The following ATRNL1 variants were observed in gnomAD, a reference collection of about 807,000 sequenced individuals.
ATRNL1 encodes attractin-like protein 1.
A neutral mutation model predicts 182.7 loss-of-function variants in ATRNL1; 95 were observed. That is an observed-to-expected ratio of 0.52 (90% CI 0.44 to 0.62). ATRNL1 has a LOEUF of 0.62. Ranked by LOEUF, ATRNL1 falls within the 20% of genes least tolerant of loss-of-function variation. The probability of loss-of-function intolerance (pLI) is 0.00; values close to 1 mark genes in which losing one functional copy is unlikely to be tolerated. For missense variants in ATRNL1, 1,471 were observed against 1,679.5 expected, an observed-to-expected ratio of 0.88 and a Z score of 2.17; for synonymous variants, 576 against 568.3, an observed-to-expected ratio of 1.01 and a Z score of -0.19.
chr10:115,907,377 C>T (rs1952536174), intron 28 of ATRNL1, among the ~76,000 whole-genome samples: 1 of 152,224 alleles, frequency 6.6e-6, no homozygotes. Flanking sequence ...CAGTTAGTTG[C>T]AGGTGCTATT....
In ATRNL1 at chr10:115,297,527, C is replaced by A. The variant is rs1023072814; in HGVS notation, c.2416-2507C>A. Among the ~76,000 whole-genome samples, 4 of 151,890 alleles carry A rather than the reference C, an allele frequency of 2.6e-5. No homozygotes were observed. In the South Asian group the frequency reaches 8.3e-4, roughly 32 times the overall value. On this transcript the variant is annotated intron_variant, in intron 15 of 28. Coordinates refer to ENST00000355044, the MANE Select transcript of ATRNL1 (RefSeq NM_207303.4). ...GGGCGTGGTGGTGGGTGCCTGTAGT[C>A]CCAGCTACTCAGGAGGCCGAGGCAG...
intron 27 of ATRNL1, among the ~76,000 whole-genome samples, chr10:115,835,779 T>G (rs910915675): frequency 6.6e-6 from 1 of 152,180 alleles, no homozygotes; most frequent in Non-Finnish European, 1.5e-5. Context: ...CACCCTCTGC[T>G]GAGAGAAGCT....
chr10:115,149,771 G>C (rs376389565), intron 5 of ATRNL1, among the ~76,000 whole-genome samples: 1 of 151,952 alleles, frequency 6.6e-6, no homozygotes, highest in Non-Finnish European at 1.5e-5. Context: ...ATTCATCAGG[G>C]ATGTTGGCCT....
At chr10:115,636,391 T>A (rs1858873361) in intron 26 of ATRNL1, among the ~76,000 whole-genome samples, 2 of 152,162 alleles carry the variant, frequency 1.3e-5, no homozygotes, top group Admixed American at 1.3e-4. Flanking sequence ...AACACCAGTA[T>A]GTACCAGTGG....
intron 28 of ATRNL1, among the ~76,000 whole-genome samples, chr10:115,876,691 A>T (rs138637783): frequency 1.4e-3 from 214 of 152,328 alleles, no homozygotes; most frequent in Middle Eastern, 0.01. Flanking sequence ...GAGATCTGAC[A>T]GTGATAACCA....
intron 28 of ATRNL1, among the ~76,000 whole-genome samples, chr10:115,939,393 C>T (rs1423585049): frequency 2.6e-5 from 4 of 152,096 alleles, no homozygotes; most frequent in South Asian, 2.1e-4. Context: ...CCTTCCTATG[C>T]GGTTTATACT....
rs1554871723 is a variant in ATRNL1, at chr10:115,121,817, GTAAT to G, written c.491+8_491+11del. 1 of 1,342,100 alleles carries G rather than the reference GTAAT, an allele frequency of 7.5e-7. No individual in the cohort carries two copies. Among genetic ancestry groups the G allele is most frequent in the Admixed American group, 2.0e-5 (1 of 49,420 alleles). 83.1% of individuals were successfully genotyped at this position (1,342,100 alleles called of 1,614,324 possible). The stretch of plus-strand genomic sequence containing the variant: ...ACCTTTAATAGCTGTACTTAGGTGA[GTAAT>G]TATATTTAATCAGTTGCAGAAAAGT... On this transcript the variant is annotated splice_donor_region_variant and intron_variant, in intron 3 of 28. Transcript: ENST00000355044.
intron 19 of ATRNL1, among the ~76,000 whole-genome samples, chr10:115,357,658 C>A (rs1856560575): frequency 6.6e-6 from 1 of 151,524 alleles, no homozygotes; most frequent in Admixed American, 6.6e-5. Context: ...TTATCTATAT[C>A]TTTTATCTTA....
At chr10:115,596,398 G>T (rs1555013972) in intron 26 of ATRNL1, among the ~76,000 whole-genome samples, 1 of 152,108 alleles carries the variant, frequency 6.6e-6, no homozygotes, top group Non-Finnish European at 1.5e-5. Context: ...GAGCCACCAC[G>T]CCCGGCCCGT....
intron 28 of ATRNL1, among the ~76,000 whole-genome samples, chr10:115,903,694 T>C (rs1387901464): frequency 2.6e-5 from 4 of 152,182 alleles, no homozygotes; most frequent in African/African-American, 9.7e-5. Flanking sequence ...TCTGCTCTCG[T>C]CAGAATTTCC....
chr10:115,209,766 TG>T (rs1554894588), intron 8 of ATRNL1, among the ~76,000 whole-genome samples: 2 of 151,982 alleles, frequency 1.3e-5, no homozygotes, highest in African/African-American at 4.8e-5. Context: ...GCATGTTTAT[TG>T]AGACCAGTTG....
intron 13 of ATRNL1, among the ~76,000 whole-genome samples, chr10:115,270,937 A>G (rs1851833007): frequency 6.6e-6 from 1 of 152,160 alleles, no homozygotes; most frequent in Admixed American, 6.5e-5. Flanking sequence ...GAAGATAATA[A>G]CAAGGTCATA....
At chr10:115,773,907 G>A (rs1555077119) in intron 27 of ATRNL1, among the ~76,000 whole-genome samples, 1 of 151,990 alleles carries the variant, frequency 6.6e-6, no homozygotes, top group Admixed American at 6.6e-5. Flanking sequence ...CCCTTTTTGT[G>A]TGATCTTCTA....
At chr10:115,848,238 C>T (rs1950974979) in intron 28 of ATRNL1, among the ~76,000 whole-genome samples, 1 of 152,138 alleles carries the variant, frequency 6.6e-6, no homozygotes, top group Admixed American at 6.5e-5. Context: ...ATTATACACA[C>T]ATGTATGTAT....
intron 20 of ATRNL1, among the ~76,000 whole-genome samples, chr10:115,410,930 G>T (rs995007474): frequency 6.6e-6 from 1 of 151,526 alleles, no homozygotes; most frequent in Non-Finnish European, 1.5e-5. Flanking sequence ...TAGAGACAGG[G>T]TTTTACCATG....
chr10:115,311,369 T>C (rs1268950826), intron 17 of ATRNL1, among the ~76,000 whole-genome samples: 2 of 152,102 alleles, frequency 1.3e-5, no homozygotes, highest in Non-Finnish European at 2.9e-5. Context: ...TTTGTATTTT[T>C]AGTAGAAACC....
chr10:115,682,287 C>T (rs1330603168), intron 26 of ATRNL1, among the ~76,000 whole-genome samples: 4 of 152,086 alleles, frequency 2.6e-5, no homozygotes, highest in African/African-American at 9.7e-5. Context: ...ACCTGTAATC[C>T]CAGCACTTTG....
chr10:115,558,235 A>T (rs1319236640), intron 26 of ATRNL1, among the ~76,000 whole-genome samples: 1 of 152,320 alleles, frequency 6.6e-6, no homozygotes, highest in South Asian at 2.1e-4. Context: ...GAAATGCAGC[A>T]AAGAAGCAGC....
chr10:115,448,852 AACCAAC>A (rs1481134874), intron 21 of ATRNL1, among the ~76,000 whole-genome samples: 1 of 139,478 alleles, frequency 7.2e-6, no homozygotes. Context: ...ATAGCGTGCC[AACCAAC>A]AACAACAACA....
Sources: gnomAD v4.1 joint callset for allele counts (sites outside exome capture counted in the v4.1 genomes callset) on GRCh38, gnomAD v4.1.1 for gene constraint, MANE v1.5 for transcripts, NCBI Gene and HGNC (gene_info 2026-07-23, HGNC 2026-07-21) for gene names.